The following FMNL2 variants were observed in gnomAD, a reference collection of about 807,000 sequenced individuals.
FMNL2 encodes formin like 2.
Under a neutral mutation model 130.2 loss-of-function variants are expected in FMNL2, and 51 were observed. The observed-to-expected ratio is 0.39, with a 90% CI of 0.31 to 0.49. The LOEUF (loss-of-function observed/expected upper bound fraction) is 0.49. Among genes scored for constraint, FMNL2 ranks in the 20% least tolerant of loss-of-function variants. FMNL2 has a pLI of 0.85. For synonymous variants in FMNL2, 465 were observed against 467.1 expected (o/e 1.00, Z 0.06); for missense variants, 977 against 1,316.2 (o/e 0.74, Z 3.99).
intron 1 of FMNL2, among the ~76,000 whole-genome samples, chr2:152,428,402 TTAATG>T (rs1579640366): frequency 6.6e-6 from 1 of 152,232 alleles, no homozygotes; most frequent in Non-Finnish European, 1.5e-5. Flanking sequence ...CCATTATAGT[TTAATG>T]TAAAGTTTAA....
chr2:152,523,369 AC>A (rs2105409214), intron 2 of FMNL2, among the ~76,000 whole-genome samples: 1 of 152,306 alleles, frequency 6.6e-6, no homozygotes, highest in East Asian at 1.9e-4. Context: ...GACCATTTAT[AC>A]CAACTACACA....
rs568269503 is a variant in FMNL2, at chr2:152,570,961, C to G, written c.597-4175C>G. 4.6e-5 allele frequency among the ~76,000 whole-genome samples: 7 copies of G among 152,290 alleles called. No individual in the cohort carries two copies. The South Asian group carries it at 1.5e-3, about 32-fold the overall frequency. On this transcript the variant is annotated intron_variant, in intron 6 of 25. Coordinates refer to ENST00000288670, the MANE Select transcript of FMNL2 (RefSeq NM_052905.4). ...TCTAGAAATTAAAGTCTTGCAGTAA[C>G]CCAGGGAGCATCTATTCAGGAAAAG...
At chr2:152,431,758 G>C (rs1346934677) in intron 1 of FMNL2, among the ~76,000 whole-genome samples, 1 of 151,976 alleles carries the variant, frequency 6.6e-6, no homozygotes, top group Admixed American at 6.6e-5. Flanking sequence ...TTGAGTCCAG[G>C]AGTTGGAGAC....
At chr2:152,394,230 C>T (rs969237541) in intron 1 of FMNL2, among the ~76,000 whole-genome samples, 3 of 152,030 alleles carry the variant, frequency 2.0e-5, no homozygotes, top group Non-Finnish European at 4.4e-5. Context: ...CAAAAATACA[C>T]GACTTAATTT....
chr2:152,366,384 C>T lies in FMNL2; in HGVS notation c.117+30664C>T, dbSNP rs141765164. On this transcript the variant is annotated intron_variant, in intron 1 of 25. Coordinates refer to ENST00000288670, the MANE Select transcript of FMNL2 (RefSeq NM_052905.4). Reference sequence around the variant, plus strand: ...AGCACAGCAACATGGCACATGTATACATATGTAACAAACCTGCACGTTGTG... The same window carrying T: ...AGCACAGCAACATGGCACATGTATATATATGTAACAAACCTGCACGTTGTG... 2.8e-3 allele frequency among the ~76,000 whole-genome samples: 432 copies of T among 151,876 alleles called. 1 individual carries two copies. The highest frequency in any genetic ancestry group is 0.012 in the South Asian group (59 of 4,808).
intron 1 of FMNL2, among the ~76,000 whole-genome samples, chr2:152,495,256 T>A (rs1301572597): frequency 6.6e-6 from 1 of 152,222 alleles, no homozygotes; most frequent in East Asian, 1.9e-4. Flanking sequence ...TTATTTCAGG[T>A]ACTTTCTTTG....
At chr2:152,538,489 A>C (rs1421509973) in intron 2 of FMNL2, among the ~76,000 whole-genome samples, 3 of 152,184 alleles carry the variant, frequency 2.0e-5, no homozygotes, top group Non-Finnish European at 4.4e-5. Context: ...CACGTTGGCC[A>C]GGCTGGTCTC....
intron 1 of FMNL2, among the ~76,000 whole-genome samples, chr2:152,351,341 C>A (rs1682471434): frequency 6.6e-6 from 1 of 152,158 alleles, no homozygotes; most frequent in Admixed American, 6.5e-5. Flanking sequence ...TCCTAATGCT[C>A]TCCCTCCCCT....
intron 4 of FMNL2, 45 bp from the exon 5 acceptor site, chr2:152,558,695 T>C (rs1356996143): frequency 2.6e-6 from 4 of 1,534,906 alleles, no homozygotes; most frequent in Non-Finnish European, 3.6e-6. Context: ...TGGCAGGTCA[T>C]GTGATCAATT....
At chr2:152,446,612 TTTG>T (rs1311396907) in intron 1 of FMNL2, among the ~76,000 whole-genome samples, 1 of 152,220 alleles carries the variant, frequency 6.6e-6, no homozygotes, top group Non-Finnish European at 1.5e-5. Flanking sequence ...TGAAAAGTAG[TTTG>T]TTGGTTTTGT....
At chr2:152,551,800 G>A (rs1694951642) in intron 4 of FMNL2, among the ~76,000 whole-genome samples, 1 of 152,220 alleles carries the variant, frequency 6.6e-6, no homozygotes, top group African/African-American at 2.4e-5. Context: ...ACGATTACTT[G>A]AGCCCAAGAG....
chr2:152,508,352 A>T (rs910762598), intron 1 of FMNL2, among the ~76,000 whole-genome samples: 3 of 152,214 alleles, frequency 2.0e-5, no homozygotes, highest in African/African-American at 7.2e-5. Context: ...ATAAAACCTA[A>T]TAATCAAACA....
intron 1 of FMNL2, among the ~76,000 whole-genome samples, chr2:152,416,524 TCA>T (rs1054717409): frequency 1.3e-4 from 20 of 152,324 alleles, no homozygotes; most frequent in African/African-American, 4.6e-4. Context: ...CCATAACATC[TCA>T]GTTTCTCTAA....
chr2:152,593,328 A>C (rs187548523), intron 9 of FMNL2, among the ~76,000 whole-genome samples: 14 of 152,192 alleles, frequency 9.2e-5, no homozygotes, highest in Non-Finnish European at 2.1e-4. Context: ...TCACAGTTAC[A>C]TAATACTTTA....
chr2:152,339,730 A>AT (rs939115914), intron 1 of FMNL2, among the ~76,000 whole-genome samples: 1 of 151,796 alleles, frequency 6.6e-6, no homozygotes, highest in Non-Finnish European at 1.5e-5. Context: ...TTTCCTTCTC[A>AT]TTTTTTTTCT....
intron 3 of FMNL2, among the ~76,000 whole-genome samples, chr2:152,546,557 G>A (rs886482911): frequency 6.6e-6 from 1 of 152,118 alleles, no homozygotes; most frequent in South Asian, 2.1e-4. Context: ...TTCAACGTGG[G>A]ATTTGGAAGG....
chr2:152,570,165 A>G (rs918243859), intron 6 of FMNL2, among the ~76,000 whole-genome samples: 3 of 152,216 alleles, frequency 2.0e-5, no homozygotes, highest in Non-Finnish European at 4.4e-5. Context: ...CACTAATAAA[A>G]GGGTTTGGAG....
At chr2:152,465,139 C>T (rs1306395263) in intron 1 of FMNL2, among the ~76,000 whole-genome samples, 2 of 152,210 alleles carry the variant, frequency 1.3e-5, no homozygotes, top group African/African-American at 4.8e-5. Flanking sequence ...CCAGCAAAGT[C>T]GGAGAGGCTT....
intron 1 of FMNL2, among the ~76,000 whole-genome samples, chr2:152,395,485 G>T (rs1363905910): frequency 1.3e-5 from 2 of 152,148 alleles, no homozygotes; most frequent in Non-Finnish European, 2.9e-5. Context: ...TTCCCATTTT[G>T]TGTCTCCACA....
Sources: allele counts gnomAD v4.1 joint callset (sites outside exome capture counted in the v4.1 genomes callset), GRCh38; gene constraint gnomAD v4.1.1; transcripts MANE v1.5; gene names NCBI Gene and HGNC (gene_info 2026-07-23, HGNC 2026-07-21).